Variants in ADAMTS18 observed in about 807,000 individuals in gnomAD.
ADAMTS18 encodes A disintegrin and metalloproteinase with thrombospondin motifs 18.
Under a neutral mutation model 165.9 loss-of-function variants are expected in ADAMTS18, and 157 were observed. The observed-to-expected ratio is 0.95, with a 90% CI of 0.83 to 1.08. The LOEUF is 1.08. Ranked by LOEUF, ADAMTS18 falls within the 50% of genes least tolerant of loss-of-function variation. The pLI is 0.00. For synonymous variants in ADAMTS18, 782 were observed against 578.2 expected, an observed-to-expected ratio of 1.35 and a Z score of -5.06; for missense variants, 2,040 against 1,534.0, an observed-to-expected ratio of 1.33 and a Z score of -5.51.
At chr16:77,425,044 G>C (rs1036585070) in intron 3 of ADAMTS18, among the ~76,000 whole-genome samples, 3 of 152,164 alleles carry the variant, frequency 2.0e-5, no homozygotes, top group Non-Finnish European at 4.4e-5. Flanking sequence ...TGAGCTTTCT[G>C]AGTCATAAAA....
At chr16:77,362,049 T>A (rs1486470896) in intron 7 of ADAMTS18, 56 bp downstream of exon 7, 1 of 1,592,716 alleles carries the variant, frequency 6.3e-7, no homozygotes, top group African/African-American at 1.3e-5. Flanking sequence ...CATAGAAAGT[T>A]TCCATACTGT....
At chr16:77,335,955 C>T (rs764574911) in intron 11 of ADAMTS18, 51 bp from the exon 12 acceptor site, 6 of 1,612,066 alleles carry the variant, frequency 3.7e-6, no homozygotes, top group Admixed American at 1.7e-5. Flanking sequence ...CCTGGGAAAG[C>T]GCAGGGAGTT....
intron 16 of ADAMTS18, among the ~76,000 whole-genome samples, chr16:77,312,842 G>T (rs2055808509): frequency 6.6e-6 from 1 of 152,120 alleles, no homozygotes; most frequent in Non-Finnish European, 1.5e-5. Flanking sequence ...TTACACCGTT[G>T]GTGGGACTGT....
chr16:77,344,155 G>GTGTGTATATA (rs369058375), intron 10 of ADAMTS18, among the ~76,000 whole-genome samples: 63 of 140,260 alleles, frequency 4.5e-4, no homozygotes, highest in African/African-American at 1.7e-3. Flanking sequence ...ATGTGTGTGT[G>GTGTGTATATA]TATATATATA....
rs1310403526 is a variant in ADAMTS18, at chr16:77,322,484, A to G, written c.2033-18T>C. The G allele has an allele frequency of 1.1e-5, 17 of 1,613,550 alleles. No homozygotes were observed. Among genetic ancestry groups the G allele is most frequent in the South Asian group, 7.7e-5 (7 of 91,074 alleles). On this transcript the variant is annotated intron_variant, in intron 13 of 22. Coordinates refer to ENST00000282849, the MANE Select transcript of ADAMTS18 (RefSeq NM_199355.4). ...ATCTTCCTCTAGAAACAAAGAGATCAAGATAGGAAATGGTCAAGAGGAAAC... is the reference window on the plus strand; with the variant it reads ...ATCTTCCTCTAGAAACAAAGAGATCGAGATAGGAAATGGTCAAGAGGAAAC...
At chr16:77,363,302 T>C (rs1299001387) in intron 6 of ADAMTS18, among the ~76,000 whole-genome samples, 2 of 152,184 alleles carry the variant, frequency 1.3e-5, no homozygotes, top group African/African-American at 2.4e-5. Context: ...TTCCCTGTAT[T>C]ACCTAAGATG....
chr16:77,337,010 A>G (rs1344576937), intron 11 of ADAMTS18, among the ~76,000 whole-genome samples: 1 of 152,212 alleles, frequency 6.6e-6, no homozygotes, highest in Admixed American at 6.5e-5. Flanking sequence ...CCTGCGATAC[A>G]TTTGGCTTCA....
At chr16:77,389,031 G>A (rs2057148756) in intron 3 of ADAMTS18, among the ~76,000 whole-genome samples, 1 of 152,206 alleles carries the variant, frequency 6.6e-6, no homozygotes, top group African/African-American at 2.4e-5. Context: ...TGGGCACAGT[G>A]GCTCACACGT....
chr16:77,363,621 G>A (rs2056748154), intron 6 of ADAMTS18, among the ~76,000 whole-genome samples, 181 bp downstream of exon 6: 1 of 150,518 alleles, frequency 6.6e-6, no homozygotes, highest in Admixed American at 6.6e-5. Context: ...TATTTTTCTG[G>A]TGCTTTAGTT....
At chr16:77,398,034 G>A (rs990771366) in intron 3 of ADAMTS18, among the ~76,000 whole-genome samples, 7 of 151,936 alleles carry the variant, frequency 4.6e-5, no homozygotes, top group African/African-American at 1.4e-4. Context: ...AGAAGAGGAA[G>A]GGCCGGGCAT....
chr16:77,398,526 C>T (rs2057287830), intron 3 of ADAMTS18, among the ~76,000 whole-genome samples: 1 of 152,072 alleles, frequency 6.6e-6, no homozygotes, highest in South Asian at 2.1e-4. Flanking sequence ...ACCTTTGCAA[C>T]GAGGAGGCTG....
chr16:77,328,040 G>T (rs1350497427), intron 12 of ADAMTS18, among the ~76,000 whole-genome samples: 3 of 152,100 alleles, frequency 2.0e-5, no homozygotes, highest in Admixed American at 1.3e-4. Flanking sequence ...AGCTTTGCAG[G>T]TGGCCTACTC....
At chr16:77,289,142 A>G in intron 22 of ADAMTS18, 122 bp downstream of exon 22, 4 of 1,288,224 alleles carry the variant, frequency 3.1e-6, no homozygotes, top group East Asian at 4.6e-5. Context: ...TGTCACATAG[A>G]CTTCGGGTGA....
chr16:77,401,661 T>C (rs2057333304), intron 3 of ADAMTS18, among the ~76,000 whole-genome samples: 2 of 152,190 alleles, frequency 1.3e-5, no homozygotes, highest in African/African-American at 2.4e-5. Flanking sequence ...TATTTCTGGG[T>C]GTGTCTATGA....
chr16:77,367,900 C>A (rs1365282631), intron 3 of ADAMTS18, among the ~76,000 whole-genome samples, 177 bp from the exon 4 acceptor site: 2 of 152,162 alleles, frequency 1.3e-5, no homozygotes, highest in Admixed American at 6.5e-5. Flanking sequence ...ATTATTGAGA[C>A]AGGTCTCACT....
At chr16:77,319,768 C>A (rs544590466) in intron 16 of ADAMTS18, 81 bp downstream of exon 16, 20 of 1,606,268 alleles carry the variant, frequency 1.2e-5, no homozygotes, top group Non-Finnish European at 1.5e-5. Context: ...ACTAGAAGGA[C>A]TGGAGTTCTG....
At chr16:77,372,228 T>C (rs768725201) in intron 3 of ADAMTS18, among the ~76,000 whole-genome samples, 100 of 152,332 alleles carry the variant, frequency 6.6e-4, no homozygotes, top group Admixed American at 1.4e-3. Flanking sequence ...AAAAATTAAA[T>C]ATAGTTCTAC....
chr16:77,434,722 G>C lies in ADAMTS18; in HGVS notation c.-27C>G. The C allele has an allele frequency of 7.0e-7, 1 of 1,421,436 alleles. No individual in the cohort carries two copies. Among genetic ancestry groups the C allele is most frequent in the Non-Finnish European group, 9.2e-7 (1 of 1,088,790 alleles). 88.1% of individuals were successfully genotyped at this position (1,421,436 alleles called of 1,614,324 possible). A position where few individuals can be genotyped will look rare whatever the true frequency, so the allele number is the denominator to read the frequency against. ...GTCAGGTGCGGACGCGGCGGCTGCGGGTGGCCAGACGCGGCAGGCGGAGCG... is the reference window on the plus strand; with the variant it reads ...GTCAGGTGCGGACGCGGCGGCTGCGCGTGGCCAGACGCGGCAGGCGGAGCG... On this transcript the variant is annotated 5_prime_UTR_variant, in exon 1 of 23. Coordinates refer to ENST00000282849, the MANE Select transcript of ADAMTS18 (RefSeq NM_199355.4).
At chr16:77,344,827 C>T (rs549804197) in intron 10 of ADAMTS18, among the ~76,000 whole-genome samples, 2 of 152,102 alleles carry the variant, frequency 1.3e-5, no homozygotes, top group Admixed American at 1.3e-4. Context: ...GTACAGAAGT[C>T]AAGGGTAATT....
Sources: allele counts gnomAD v4.1 joint callset (sites outside exome capture counted in the v4.1 genomes callset), GRCh38; gene constraint gnomAD v4.1.1; transcripts MANE v1.5; gene names NCBI Gene and HGNC (gene_info 2026-07-23, HGNC 2026-07-21).